Variants in PRKG1 observed in about 807,000 individuals in gnomAD.
PRKG1 encodes the protein protein kinase cGMP-dependent 1.
Under a neutral mutation model 88.1 loss-of-function variants are expected in PRKG1, and 35 were observed. The observed-to-expected ratio is 0.40, with a 90% CI of 0.30 to 0.53. The LOEUF is 0.53. PRKG1 is among the 20% of genes least tolerant of loss of function. The pLI is 0.59. For synonymous variants in PRKG1, 303 were observed against 292.5 expected (o/e 1.04, Z -0.37); for missense variants, 540 against 839.8 (o/e 0.64, Z 4.41).
At chr10:51,351,690 G>T (rs1242122508) in intron 2 of PRKG1, among the ~76,000 whole-genome samples, 1 of 152,018 alleles carries the variant, frequency 6.6e-6, no homozygotes, top group Non-Finnish European at 1.5e-5. Flanking sequence ...CCATTCTGTA[G>T]GTTGTCTGTT....
At chr10:51,604,363 G>A (rs1838698975) in intron 3 of PRKG1, among the ~76,000 whole-genome samples, 2 of 151,994 alleles carry the variant, frequency 1.3e-5, no homozygotes. Context: ...ATTTAAGATG[G>A]CGTTTATAAA....
chr10:51,012,523 C>T (rs905019585), intron 1 of PRKG1, among the ~76,000 whole-genome samples: 1 of 152,200 alleles, frequency 6.6e-6, no homozygotes, highest in Non-Finnish European at 1.5e-5. Context: ...CATGGGCATA[C>T]AATCAGTGAG....
chr10:51,994,740 G>A (rs1376059501), intron 5 of PRKG1, among the ~76,000 whole-genome samples: 1 of 152,092 alleles, frequency 6.6e-6, no homozygotes, highest in Non-Finnish European at 1.5e-5. Flanking sequence ...TCATATATTT[G>A]AAACATGCCT....
intron 2 of PRKG1, among the ~76,000 whole-genome samples, chr10:51,444,568 A>C (rs552043506): frequency 6.6e-6 from 1 of 152,034 alleles, no homozygotes; most frequent in East Asian, 1.9e-4. Flanking sequence ...AAAAGAAGAC[A>C]AAGCAAGCTC....
At chr10:51,505,808 G>C (rs2132050353) in intron 3 of PRKG1, among the ~76,000 whole-genome samples, 1 of 152,206 alleles carries the variant, frequency 6.6e-6, no homozygotes, top group Non-Finnish European at 1.5e-5. Context: ...TGTGGGATCG[G>C]TAGTGATATC....
chr10:52,230,910 A>G (rs1017624487), intron 9 of PRKG1: 6 of 152,224 alleles, frequency 3.9e-5, no homozygotes, highest in African/African-American at 1.4e-4. Flanking sequence ...ATGTTCTGCT[A>G]CATAGATTAT....
At chr10:51,508,842 G>A (rs1841308527) in intron 3 of PRKG1, among the ~76,000 whole-genome samples, 1 of 152,284 alleles carries the variant, frequency 6.6e-6, no homozygotes, top group African/African-American at 2.4e-5. Flanking sequence ...GGAAGCAATA[G>A]AAGGGGGAAA....
At chr10:52,157,305 T>TGA (rs539108520) in intron 8 of PRKG1, among the ~76,000 whole-genome samples, 11,029 of 56,786 alleles carry the variant, frequency 0.19, 656 homozygotes, top group Admixed American at 0.23. Flanking sequence ...GTGAGTTAGT[T>TGA]GATATATATA....
intron 3 of PRKG1, among the ~76,000 whole-genome samples, chr10:51,703,987 A>C (rs1223258319): frequency 6.6e-6 from 1 of 151,980 alleles, no homozygotes; most frequent in Non-Finnish European, 1.5e-5. Flanking sequence ...TCTACTAAAA[A>C]TACAAAAATT....
intron 1 of PRKG1, among the ~76,000 whole-genome samples, chr10:51,051,342 T>C (rs1383318497): frequency 6.6e-6 from 1 of 152,150 alleles, no homozygotes; most frequent in Non-Finnish European, 1.5e-5. Flanking sequence ...TTTCGTATGA[T>C]GCAAGATAAA....
chr10:51,601,016 A>G (rs1838584448), intron 3 of PRKG1, among the ~76,000 whole-genome samples: 1 of 148,018 alleles, frequency 6.8e-6, no homozygotes, highest in South Asian at 2.4e-4. Flanking sequence ...GGAAAAGAAG[A>G]AGGGAGGGAG....
chr10:51,020,300 T>C (rs1430207341), intron 1 of PRKG1, among the ~76,000 whole-genome samples: 1 of 152,198 alleles, frequency 6.6e-6, no homozygotes, highest in East Asian at 1.9e-4. Context: ...CGTGAGCCAC[T>C]GAGCCTGGTC....
At chr10:51,908,266 A>C (rs937060432) in intron 5 of PRKG1, 1 of 152,212 alleles carries the variant, frequency 6.6e-6, no homozygotes, top group Non-Finnish European at 1.5e-5. Flanking sequence ...ATAGAGATAC[A>C]TTGGTGGTGT....
At chr10:52,235,076 G>A (rs1373006053) in intron 9 of PRKG1, among the ~76,000 whole-genome samples, 154 of 80,090 alleles carry the variant, frequency 1.9e-3, no homozygotes, top group Middle Eastern at 4.9e-3. Flanking sequence ...AGCTTCATAA[G>A]TGAAGGAGAA....
intron 3 of PRKG1, among the ~76,000 whole-genome samples, chr10:51,506,201 C>A (rs1841197713): frequency 6.6e-6 from 1 of 152,128 alleles, no homozygotes; most frequent in Admixed American, 6.5e-5. Context: ...CCATGAAAAT[C>A]CTAGAAGAAA....
rs117696529 is a variant in PRKG1 at position 52,251,992 on chromosome 10, G to T, written c.1173+326G>T. 1.8e-4 allele frequency: 33 copies of T among 183,366 alleles called. No homozygotes were observed. The East Asian group carries it at 4.5e-3, about 25-fold the overall frequency. The allele number at this position is 183,366 out of a possible 1,614,324, so 11.4% of individuals were successfully genotyped here. ...ATTTTCTATAATCTTTATTTCCTTA[G>T]TTCTGAGTGGTGCTTACTAACAATT... On this transcript the variant is annotated intron_variant, in intron 10 of 17. Coordinates refer to ENST00000373980, the MANE Select transcript of PRKG1 (RefSeq NM_006258.4).
intron 3 of PRKG1, among the ~76,000 whole-genome samples, chr10:51,674,547 G>A (rs1840663511): frequency 2.6e-5 from 4 of 152,154 alleles, no homozygotes; most frequent in Admixed American, 2.0e-4. Context: ...AAATTTGGCA[G>A]ATTCTATTGC....
At chr10:52,106,451 A>T (rs1847424365) in intron 7 of PRKG1, among the ~76,000 whole-genome samples, 1 of 152,138 alleles carries the variant, frequency 6.6e-6, no homozygotes, top group Non-Finnish European at 1.5e-5. Context: ...CAGGTTGGTG[A>T]GAACAGTAAC....
intron 1 of PRKG1, among the ~76,000 whole-genome samples, chr10:51,085,355 A>G (rs1664105921): frequency 6.6e-6 from 1 of 152,136 alleles, no homozygotes; most frequent in Non-Finnish European, 1.5e-5. Flanking sequence ...GAAATATTAA[A>G]CATCTGAAAG....
Sources: allele counts gnomAD v4.1 joint callset (sites outside exome capture counted in the v4.1 genomes callset), GRCh38; gene constraint gnomAD v4.1.1; transcripts MANE v1.5; gene names NCBI Gene and HGNC (gene_info 2026-07-23, HGNC 2026-07-21).